LHFPL6: variants seen among roughly 807,000 people sequenced by gnomAD.
LHFPL6 encodes the protein LHFPL tetraspan subfamily member 6.
A neutral mutation model predicts 20.6 loss-of-function variants in LHFPL6; 9 were observed. The ratio of observed to expected loss-of-function variants is 0.44; its 90% CI spans 0.26 to 0.76. LHFPL6 has a LOEUF of 0.76. LHFPL6 is among the 30% of genes least tolerant of loss of function. The pLI is 0.20. For synonymous variants in LHFPL6, 105 were observed against 98.7 expected, an observed-to-expected ratio of 1.06 and a Z score of -0.38; for missense variants, 218 against 253.5, an observed-to-expected ratio of 0.86 and a Z score of 0.95.
At chr13:39,351,085 G>T (rs2138336624) in intron 3 of LHFPL6, among the ~76,000 whole-genome samples, 1 of 152,256 alleles carries the variant, frequency 6.6e-6, no homozygotes, top group South Asian at 2.1e-4. Flanking sequence ...GTGACTGTCT[G>T]CTTATTTCAA....
At chr13:39,455,830 T>TTGTTTACA (rs1248475561) in intron 2 of LHFPL6, among the ~76,000 whole-genome samples, 3 of 152,226 alleles carry the variant, frequency 2.0e-5, no homozygotes, top group Non-Finnish European at 4.4e-5. Context: ...ACAGCCTATG[T>TTGTTTACA]TGTTTACATG....
At chr13:39,534,882 T>G (rs1870568616) in intron 2 of LHFPL6, among the ~76,000 whole-genome samples, 1 of 152,194 alleles carries the variant, frequency 6.6e-6, no homozygotes, top group African/African-American at 2.4e-5. Context: ...TTCCTAGGGC[T>G]TCTATAACAA....
At chr13:39,439,213 C>G (rs1872049828) in intron 2 of LHFPL6, among the ~76,000 whole-genome samples, 2 of 152,234 alleles carry the variant, frequency 1.3e-5, no homozygotes, top group African/African-American at 4.8e-5. Flanking sequence ...GTGAGACATG[C>G]AGTCAAAGGA....
At chr13:39,574,198 C>T (rs1593369875) in intron 2 of LHFPL6, among the ~76,000 whole-genome samples, 1 of 152,282 alleles carries the variant, frequency 6.6e-6, no homozygotes, top group Non-Finnish European at 1.5e-5. Flanking sequence ...AGATTACAAA[C>T]AAGGCCGGGC....
At chr13:39,382,337 T>C (rs1870463784) in intron 2 of LHFPL6, among the ~76,000 whole-genome samples, 1 of 152,230 alleles carries the variant, frequency 6.6e-6, no homozygotes, top group Admixed American at 6.5e-5. Flanking sequence ...GCGTTCTGTC[T>C]GGCTTTCTAC....
intron 2 of LHFPL6, among the ~76,000 whole-genome samples, chr13:39,445,018 C>G (rs1872248773): frequency 6.6e-6 from 1 of 152,198 alleles, no homozygotes; most frequent in African/African-American, 2.4e-5. Flanking sequence ...GTCATTACCT[C>G]AGGAGTGAGT....
intron 2 of LHFPL6, among the ~76,000 whole-genome samples, chr13:39,413,923 A>G (rs9532377): frequency 0.12 from 17,651 of 151,918 alleles, 1,222 homozygotes; most frequent in African/African-American, 0.16. Context: ...TAAATTATGG[A>G]CTCTTTTGCT....
chr13:39,466,464 A>G (rs147786578), intron 2 of LHFPL6, among the ~76,000 whole-genome samples: 2 of 152,296 alleles, frequency 1.3e-5, no homozygotes, highest in East Asian at 3.9e-4. Context: ...AAACTTTGTC[A>G]TGTTATATAG....
At chr13:39,534,466 A>G (rs924420518) in intron 2 of LHFPL6, among the ~76,000 whole-genome samples, 1 of 152,250 alleles carries the variant, frequency 6.6e-6, no homozygotes, top group African/African-American at 2.4e-5. Flanking sequence ...CTTCATATAT[A>G]GGTCAAATTT....
At chr13:39,396,073 C>G (rs1261498975) in intron 2 of LHFPL6, among the ~76,000 whole-genome samples, 1 of 152,130 alleles carries the variant, frequency 6.6e-6, no homozygotes, top group Non-Finnish European at 1.5e-5. Flanking sequence ...TCTAGTTTTG[C>G]AGCTTTTTCT....
intron 3 of LHFPL6, among the ~76,000 whole-genome samples, chr13:39,374,195 T>TA (rs898589193): frequency 7.9e-5 from 12 of 151,988 alleles, no homozygotes; most frequent in African/African-American, 2.9e-4. Flanking sequence ...TACACAGCCA[T>TA]AAAAAGGAAT....
chr13:39,583,873 C>T (rs184461363), intron 2 of LHFPL6, among the ~76,000 whole-genome samples: 2 of 152,218 alleles, frequency 1.3e-5, no homozygotes, highest in South Asian at 2.1e-4. Context: ...TCGTGTCCTC[C>T]GGTCTAGTGT....
intron 2 of LHFPL6, among the ~76,000 whole-genome samples, chr13:39,589,615 G>T (rs536431500): frequency 6.6e-6 from 1 of 152,114 alleles, no homozygotes; most frequent in Non-Finnish European, 1.5e-5. Context: ...GATTGATAAA[G>T]TAGGACATTA....
intron 2 of LHFPL6, among the ~76,000 whole-genome samples, chr13:39,502,493 C>T (rs1310918909): frequency 4.0e-5 from 6 of 151,514 alleles, no homozygotes; most frequent in South Asian, 2.1e-4. Flanking sequence ...CATGGTGGCG[C>T]GCCTGTGGTT....
At chr13:39,600,613 G>A (rs1247899881) in intron 2 of LHFPL6, among the ~76,000 whole-genome samples, 2 of 152,238 alleles carry the variant, frequency 1.3e-5, no homozygotes, top group Non-Finnish European at 2.9e-5. Context: ...TAGCAGGCCA[G>A]TGATGTATAT....
At chr13:39,595,034 G>A (rs1189303048) in intron 2 of LHFPL6, among the ~76,000 whole-genome samples, 1 of 152,014 alleles carries the variant, frequency 6.6e-6, no homozygotes, top group Non-Finnish European at 1.5e-5. Context: ...GAGTTAATGG[G>A]TGCAGCACAC....
chr13:39,547,216 T>C lies in LHFPL6; in HGVS notation c.385+53616A>G, dbSNP rs573305160. On this transcript the variant is annotated intron_variant, in intron 2 of 3. Coordinates refer to ENST00000379589, the MANE Select transcript of LHFPL6 (RefSeq NM_005780.3). ...TTTACTTATTTTATGGGGAAAAAAA[T>C]CCCAAGCCCTTTTTACCTTTCTCCC... Among the ~76,000 whole-genome samples, 103 of 152,026 alleles carry C rather than the reference T, an allele frequency of 6.8e-4. 1 individual carries two copies. Among genetic ancestry groups the C allele is most frequent in the Non-Finnish European group, 1.4e-3 (95 of 68,018 alleles).
chr13:39,597,896 G>GT (rs79102666), intron 2 of LHFPL6, among the ~76,000 whole-genome samples: 1 of 152,196 alleles, frequency 6.6e-6, no homozygotes, highest in African/African-American at 2.4e-5. Context: ...TACTGCAGGG[G>GT]TTTTACTGCC....
intron 2 of LHFPL6, among the ~76,000 whole-genome samples, chr13:39,516,820 AAC>A (rs1211197293): frequency 6.6e-6 from 1 of 152,268 alleles, no homozygotes; most frequent in East Asian, 1.9e-4. Context: ...TCCCAAAGAC[AAC>A]AGTCAAAACA....
Sources: gnomAD v4.1 joint callset for allele counts (sites outside exome capture counted in the v4.1 genomes callset) on GRCh38, gnomAD v4.1.1 for gene constraint, MANE v1.5 for transcripts, NCBI Gene and HGNC (gene_info 2026-07-23, HGNC 2026-07-21) for gene names.